The following ZMAT4 variants were observed in gnomAD, a reference collection of about 807,000 sequenced individuals.
ZMAT4 encodes the protein zinc finger matrin-type protein 4.
ZMAT4 carries 17 observed loss-of-function variants against 28.7 expected under a neutral mutation model. That is an observed-to-expected ratio of 0.59 (90% confidence interval 0.41 to 0.89). The LOEUF (loss-of-function observed/expected upper bound fraction) is 0.89, where lower values mean the gene tolerates loss of function less well. ZMAT4 is among the 40% of genes least tolerant of loss of function. The pLI is 0.00. For missense variants in ZMAT4, 240 were observed against 283.8 expected (o/e 0.85, Z 1.11); for synonymous variants, 117 against 109.2 (o/e 1.07, Z -0.44).
chr8:40,567,752 T>C lies in ZMAT4; in HGVS notation c.674+13413A>G, dbSNP rs375912289. ...AAAAACCCCAAAACTCTTTAAAATGTTTATCACTAAATAATTACCTAAATA... is the reference window on the plus strand; with the variant it reads ...AAAAACCCCAAAACTCTTTAAAATGCTTATCACTAAATAATTACCTAAATA... On this transcript the variant is annotated intron_variant, in intron 6 of 6. Coordinates refer to ENST00000297737, the MANE Select transcript of ZMAT4 (RefSeq NM_024645.3). 4.0e-5 allele frequency among the ~76,000 whole-genome samples: 6 copies of C among 151,886 alleles called. No individual in the cohort carries two copies. The East Asian group carries it at 5.8e-4, about 15-fold the overall frequency.
At chr8:40,540,595 T>C (rs1393673265) in intron 6 of ZMAT4, among the ~76,000 whole-genome samples, 2 of 152,176 alleles carry the variant, frequency 1.3e-5, no homozygotes, top group Non-Finnish European at 2.9e-5. Context: ...AGTTCTGACA[T>C]TCCTTCTAGG....
chr8:40,626,034 C>T (rs942621623), intron 5 of ZMAT4, among the ~76,000 whole-genome samples: 12 of 150,674 alleles, frequency 8.0e-5, no homozygotes, highest in Admixed American at 3.3e-4. Flanking sequence ...CGTTTGAACC[C>T]GGGAGGTGGA....
chr8:40,681,893 A>G (rs982770038), intron 4 of ZMAT4, among the ~76,000 whole-genome samples: 3 of 152,036 alleles, frequency 2.0e-5, no homozygotes, highest in Non-Finnish European at 4.4e-5. Flanking sequence ...AAAAAAAAAG[A>G]TATGTTTTAG....
intron 1 of ZMAT4, among the ~76,000 whole-genome samples, chr8:40,886,453 C>T (rs916257871): frequency 6.6e-5 from 10 of 152,330 alleles, no homozygotes; most frequent in East Asian, 3.9e-4. Flanking sequence ...GCACAGCAGA[C>T]GGCGCACAGG....
intron 4 of ZMAT4, among the ~76,000 whole-genome samples, chr8:40,686,497 AGTGATGCAC>A (rs1809413516): frequency 6.6e-6 from 1 of 151,974 alleles, no homozygotes. Flanking sequence ...AGCCTGGCAT[AGTGATGCAC>A]GTCTGTAGTC....
intron 5 of ZMAT4, among the ~76,000 whole-genome samples, chr8:40,652,922 G>C (rs1350137254): frequency 1.4e-5 from 2 of 139,862 alleles, no homozygotes; most frequent in South Asian, 4.9e-4. Context: ...ATCACACTCT[G>C]GGGACCGTTG....
intron 1 of ZMAT4, among the ~76,000 whole-genome samples, chr8:40,856,143 G>A (rs1196250780): frequency 6.6e-6 from 1 of 152,166 alleles, no homozygotes; most frequent in East Asian, 1.9e-4. Context: ...TTTAAATCAT[G>A]CGGCTACTGA....
chr8:40,753,215 T>G (rs761602623), intron 3 of ZMAT4, among the ~76,000 whole-genome samples: 14 of 152,298 alleles, frequency 9.2e-5, no homozygotes, highest in Non-Finnish European at 1.6e-4. Context: ...TCCATTTCCC[T>G]GCAAAGAACA....
At chr8:40,747,860 A>C (rs1001652121) in intron 3 of ZMAT4, among the ~76,000 whole-genome samples, 1 of 152,252 alleles carries the variant, frequency 6.6e-6, no homozygotes, top group East Asian at 1.9e-4. Context: ...GATTACATAC[A>C]GATGAAATGT....
intron 1 of ZMAT4, among the ~76,000 whole-genome samples, chr8:40,888,699 AC>A (rs1818558411): frequency 6.6e-6 from 1 of 152,260 alleles, no homozygotes; most frequent in African/African-American, 2.4e-5. Flanking sequence ...AAAGGAAACC[AC>A]AGCAGGGAGC....
Position 40,658,637 on chromosome 8 carries a change from C to T in ZMAT4, c.577+16067G>A, listed in dbSNP as rs542846200. Among the ~76,000 whole-genome samples the T allele has an allele frequency of 2.3e-3, 341 of 149,560 alleles. 1 individual carries two copies. In the Middle Eastern group the frequency reaches 0.027, roughly 12 times the overall value. On this transcript the variant is annotated intron_variant, in intron 5 of 6. Coordinates refer to ENST00000297737, the MANE Select transcript of ZMAT4 (RefSeq NM_024645.3). ...AGACACATACACACACACACACACA[C>T]ACACACACACACACACACACACACA...
chr8:40,834,929 G>A (rs1356825720), intron 1 of ZMAT4, among the ~76,000 whole-genome samples: 5 of 152,216 alleles, frequency 3.3e-5, no homozygotes, highest in African/African-American at 1.2e-4. Flanking sequence ...GGCAGCTTTG[G>A]GGAGAGCCCA....
In ZMAT4 at chr8:40,897,787, G is replaced by GTC. The variant is rs1457396642; in HGVS notation, c.-111_-110dup. 3 of 152,352 alleles carry GTC rather than the reference G, an allele frequency of 2.0e-5. No homozygotes were observed. In the East Asian group the frequency reaches 5.8e-4, roughly 30 times the overall value. The allele number at this position is 152,352 out of a possible 1,614,324, so 9.4% of individuals were successfully genotyped here. Reference sequence around the variant, plus strand: ...AGCACGCTGAGGATTACACGTTCCTGTCTCTGCGACCAGACCTTTCGGCAG... The same window carrying GTC: ...AGCACGCTGAGGATTACACGTTCCTGTCTCTCTGCGACCAGACCTTTCGGCAG... On this transcript the variant is annotated 5_prime_UTR_variant, in exon 1 of 7. Coordinates refer to ENST00000297737, the MANE Select transcript of ZMAT4 (RefSeq NM_024645.3).
At position 40,602,502 on chromosome 8, in the gene ZMAT4, G is replaced by A. The variant is rs145022798; in HGVS notation, c.578-21241C>T. On this transcript the variant is annotated intron_variant, in intron 5 of 6. Transcript: ENST00000297737. Reference sequence around the variant, plus strand: ...CATTCACACCAAAGGGTGTAAAAGTGTTCCCTTTTCACCACATCCATGCCA... The same window carrying A: ...CATTCACACCAAAGGGTGTAAAAGTATTCCCTTTTCACCACATCCATGCCA... 7.4e-3 allele frequency among the ~76,000 whole-genome samples: 1,120 copies of A among 152,256 alleles called. 15 individuals carry two copies. The highest frequency in any genetic ancestry group is 0.026 in the African/African-American group (1,066 of 41,546).
chr8:40,850,100 C>G (rs1039681069), intron 1 of ZMAT4, among the ~76,000 whole-genome samples: 1 of 152,204 alleles, frequency 6.6e-6, no homozygotes, highest in Non-Finnish European at 1.5e-5. Flanking sequence ...AAGTCCTAAG[C>G]TGCCACTGTC....
At chr8:40,695,477 T>C (rs4587314) in intron 4 of ZMAT4, among the ~76,000 whole-genome samples, 148,408 of 152,336 alleles carry the variant, frequency 0.97, 72,407 homozygotes, top group East Asian at 1. Context: ...ACCTGAGCCA[T>C]AGCTTTCGGT....
chr8:40,765,867 G>GATTC, intron 3 of ZMAT4, among the ~76,000 whole-genome samples: 1 of 152,272 alleles, frequency 6.6e-6, no homozygotes, highest in East Asian at 1.9e-4. Flanking sequence ...TATATGAAAG[G>GATTC]ATTCAGATCT....
chr8:40,790,359 A>G (rs1046486065), intron 2 of ZMAT4, among the ~76,000 whole-genome samples: 1 of 152,246 alleles, frequency 6.6e-6, no homozygotes, highest in Non-Finnish European at 1.5e-5. Flanking sequence ...GTTTCAGGAT[A>G]CAAGATTGAT....
chr8:40,719,161 G>A (rs1421138482), intron 3 of ZMAT4, among the ~76,000 whole-genome samples: 1 of 152,110 alleles, frequency 6.6e-6, no homozygotes, highest in Non-Finnish European at 1.5e-5. Context: ...AGACTTTGAG[G>A]CCAGGTGTGA....
Sources: allele counts gnomAD v4.1 joint callset (sites outside exome capture counted in the v4.1 genomes callset), GRCh38; gene constraint gnomAD v4.1.1; transcripts MANE v1.5; gene names NCBI Gene and HGNC (gene_info 2026-07-23, HGNC 2026-07-21).